Variants in SH3PXD2B observed in about 807,000 individuals in gnomAD.
SH3PXD2B encodes SH3 and PX domains 2B, also known as SH3 and PX domain-containing protein 2B.
In SH3PXD2B, 37 loss-of-function variants were observed where a neutral mutation model predicts 73.1. That is an observed-to-expected ratio of 0.51 (90% CI 0.39 to 0.67). The LOEUF (loss-of-function observed/expected upper bound fraction) is 0.67, where lower values mean the gene tolerates loss of function less well. Among genes scored for constraint, SH3PXD2B ranks in the 30% least tolerant of loss-of-function variants. The pLI, the probability that SH3PXD2B is intolerant of heterozygous loss-of-function variation, is 0.00. For missense variants in SH3PXD2B, 1,053 were observed against 1,197.8 expected, an observed-to-expected ratio of 0.88 and a Z score of 1.78; for synonymous variants, 457 against 480.5, an observed-to-expected ratio of 0.95 and a Z score of 0.64.
chr5:172,428,085 T>G (rs970804912), intron 1 of SH3PXD2B, among the ~76,000 whole-genome samples: 1 of 152,042 alleles, frequency 6.6e-6, no homozygotes, highest in Non-Finnish European at 1.5e-5. Context: ...CAAAGAAAAA[T>G]TTTTTAAAGC....
chr5:172,421,507 G>T lies in SH3PXD2B; in HGVS notation c.156+909C>A, dbSNP rs1352822762. Among the ~76,000 whole-genome samples the T allele has an allele frequency of 2.0e-5, 3 of 152,160 alleles. No individual in the cohort carries two copies. Among genetic ancestry groups the T allele is most frequent in the Non-Finnish European group, 4.4e-5 (3 of 68,044 alleles). ...AAAGATGTGGTTCTGGCCCACAATA[G>T]TCACAGTCTAGGCAGGGAGACAGAC... On this transcript the variant is annotated intron_variant, in intron 2 of 12. Coordinates refer to ENST00000311601, the MANE Select transcript of SH3PXD2B (RefSeq NM_001017995.3). This position sits in a 1 kb window ranked among gnomAD's most constrained non-coding sequence, Gnocchi z 4.0.
At position 172,348,745 on chromosome 5, in the gene SH3PXD2B, TGCC is replaced by T. The variant is rs577917774; in HGVS notation, c.1013-1416_1013-1414del. Among the ~76,000 whole-genome samples, 298 of 151,824 alleles carry T rather than the reference TGCC, an allele frequency of 2.0e-3. 2 individuals are homozygous for T. Among genetic ancestry groups the T allele is most frequent in the Admixed American group, 0.017 (254 of 15,228 alleles). On this transcript the variant is annotated intron_variant, in intron 10 of 12. Transcript: ENST00000311601. ...TTTGAGGGACAGGGTCTCGCTCTAT[TGCC>T]CAGGCTGGAATGCAGTGGAGCAATC...
chr5:172,348,427 C>A (rs1044994758), intron 10 of SH3PXD2B, among the ~76,000 whole-genome samples: 2 of 151,628 alleles, frequency 1.3e-5, no homozygotes, highest in Non-Finnish European at 2.9e-5. Context: ...CGTTCTGGAC[C>A]GAGGGATGAG....
At chr5:172,333,205 G>A (rs547220564), downstream of SH3PXD2B, among the ~76,000 whole-genome samples, 1 of 152,230 alleles carries the variant, frequency 6.6e-6, no homozygotes, top group South Asian at 2.1e-4. Context: ...AAAGTGCTGG[G>A]ATTACAGGTG....
At chr5:172,368,570 T>TATATATATATTATATATATATATAAA (rs1757606355) in intron 6 of SH3PXD2B, among the ~76,000 whole-genome samples, 1 of 14,558 alleles carries the variant, frequency 6.9e-5, no homozygotes, top group Non-Finnish European at 9.5e-5. Context: ...ATATATAAAA[T>TATATATATATTATATATATATATAAA]ATGTTATATA....
At chr5:172,354,729 AC>A (rs1757234295) in intron 8 of SH3PXD2B, among the ~76,000 whole-genome samples, 1 of 152,122 alleles carries the variant, frequency 6.6e-6, no homozygotes, top group South Asian at 2.1e-4. Flanking sequence ...GCTGATCTTC[AC>A]TTTTTATTAA....
intron 2 of SH3PXD2B, among the ~76,000 whole-genome samples, chr5:172,412,737 C>T (rs1758729801): frequency 6.6e-6 from 1 of 152,216 alleles, no homozygotes; most frequent in African/African-American, 2.4e-5. Context: ...AGGCTGTCTG[C>T]AGCAGCAGGA....
downstream of SH3PXD2B, among the ~76,000 whole-genome samples, chr5:172,330,591 C>T (rs72846921): frequency 8.6e-4 from 131 of 152,316 alleles, no homozygotes; most frequent in Non-Finnish European, 1.6e-3. Context: ...CTGCAATAGA[C>T]TTTAAACAGC....
At chr5:172,428,564 C>A (rs1411803173) in intron 1 of SH3PXD2B, among the ~76,000 whole-genome samples, 1 of 152,216 alleles carries the variant, frequency 6.6e-6, no homozygotes, top group Non-Finnish European at 1.5e-5. Flanking sequence ...GACACTCACA[C>A]GGTATCAAAG....
intron 8 of SH3PXD2B, among the ~76,000 whole-genome samples, chr5:172,356,388 T>A (rs574615853): frequency 1.3e-5 from 2 of 152,204 alleles, no homozygotes; most frequent in Non-Finnish European, 2.9e-5. Context: ...CCGGTTTACA[T>A]GGATTTCTTT....
chr5:172,417,848 C>T (rs185112232), intron 2 of SH3PXD2B, among the ~76,000 whole-genome samples: 1 of 152,204 alleles, frequency 6.6e-6, no homozygotes, highest in Non-Finnish European at 1.5e-5. Context: ...AATGTAGTGG[C>T]TTCCAGTATA....
At chr5:172,415,472 AGCC>A (rs1365357676) in intron 2 of SH3PXD2B, among the ~76,000 whole-genome samples, 1 of 152,226 alleles carries the variant, frequency 6.6e-6, no homozygotes, top group African/African-American at 2.4e-5. Flanking sequence ...TTTCAGATCC[AGCC>A]ACACCTGGGC....
rs1257495858 is a variant in SH3PXD2B at position 172,353,821 on chromosome 5, GT to G, written c.785+66del. 3.1e-6 allele frequency: 4 copies of G among 1,281,600 alleles called. No homozygotes were observed. In the African/African-American group the frequency reaches 5.9e-5, roughly 19 times the overall value. 79.4% of individuals were successfully genotyped at this position (1,281,600 alleles called of 1,614,324 possible). On this transcript the variant is annotated intron_variant, in intron 9 of 12. Transcript: ENST00000311601. This position sits in a 1 kb window ranked among gnomAD's most constrained non-coding sequence, Gnocchi z 4.3. ...CGACCTCTGTGAGGCCAGAGTCCCT[GT>G]GACCCCAAACCCACCCAGCGTGACC...
chr5:172,337,595 G>C lies in SH3PXD2B; in HGVS notation c.*774C>G. 1.0e-6 allele frequency: 1 copy of C among 985,560 alleles called. No homozygotes were observed. The highest frequency in any genetic ancestry group is 1.2e-6 in the Non-Finnish European group (1 of 830,020). The allele number at this position is 985,560 out of a possible 1,614,324, so 61.1% of individuals were successfully genotyped here. A position where few individuals can be genotyped will look rare whatever the true frequency, so the allele number is the denominator to read the frequency against. ...TGCTTTAGGTAGGCAAAAATGAAAT[G>C]CTCCAAGTTGGGGTGGGAACTCTCA... On this transcript the variant is annotated 3_prime_UTR_variant, in exon 13 of 13. Transcript: ENST00000311601.
chr5:172,436,649 C>T (rs1305780351), intron 1 of SH3PXD2B, among the ~76,000 whole-genome samples: 1 of 152,220 alleles, frequency 6.6e-6, no homozygotes, highest in Non-Finnish European at 1.5e-5. Context: ...GTTTCTCATA[C>T]CTACGAAACA....
downstream of SH3PXD2B, among the ~76,000 whole-genome samples, chr5:172,330,120 C>CA (rs1376866924): frequency 3.3e-5 from 5 of 152,206 alleles, no homozygotes; most frequent in Admixed American, 6.5e-5. Flanking sequence ...CTCTCCTAAT[C>CA]AAAAAATCTG....
rs1448069823 is a variant in SH3PXD2B at position 172,353,075 on chromosome 5, C to T, written c.785+813G>A. 6.6e-6 allele frequency among the ~76,000 whole-genome samples: 1 copy of T among 152,074 alleles called. No homozygotes were observed. The highest frequency in any genetic ancestry group is 6.6e-5 in the Admixed American group (1 of 15,262). On this transcript the variant is annotated intron_variant, in intron 9 of 12. Transcript: ENST00000311601. The surrounding 1 kb of genome is among the most constrained non-coding windows in gnomAD (Gnocchi z 4.3). ...TGTCTTCTGTACCAGGTGGTGTGAG[C>T]TATTGTATCTTGCTCACTGTTGACT...
chr5:172,329,604 C>T (rs1360728795), downstream of SH3PXD2B, among the ~76,000 whole-genome samples: 12 of 134,948 alleles, frequency 8.9e-5, no homozygotes, highest in Non-Finnish European at 1.8e-4. Context: ...GTGGCGCGAT[C>T]TCGGCTCACT....
chr5:172,433,819 A>G (rs1484574938), intron 1 of SH3PXD2B, among the ~76,000 whole-genome samples: 1 of 152,182 alleles, frequency 6.6e-6, no homozygotes, highest in Non-Finnish European at 1.5e-5. Context: ...AGATCTCTAG[A>G]AAGGAATCCA....
Sources: allele counts gnomAD v4.1 joint callset (sites outside exome capture counted in the v4.1 genomes callset), GRCh38; gene constraint gnomAD v4.1.1; non-coding constraint Gnocchi (gnomAD v3.1); transcripts MANE v1.5; gene names NCBI Gene and HGNC (gene_info 2026-07-23, HGNC 2026-07-21).